WASF3: variants seen among roughly 807,000 people sequenced by gnomAD.
WASF3 encodes WASP family member 3.
Under a neutral mutation model 46.6 loss-of-function variants are expected in WASF3, and 11 were observed. The observed-to-expected ratio is 0.24, with a 90% CI of 0.15 to 0.39. The LOEUF (loss-of-function observed/expected upper bound fraction) is 0.39, where lower values mean the gene tolerates loss of function less well. Among genes scored for constraint, WASF3 ranks in the 10% least tolerant of loss-of-function variants. The probability of loss-of-function intolerance (pLI) is 1.00; values close to 1 mark genes in which losing one functional copy is unlikely to be tolerated. For missense variants in WASF3, 576 were observed against 669.8 expected (o/e 0.86, Z 1.55); for synonymous variants, 242 against 259.7 (o/e 0.93, Z 0.65).
rs1454119725 is a variant in WASF3, at chr13:26,686,466, A to T, written c.*621A>T. ...ACATGCCTGTCAAATATGAAATTGG[A>T]AGGGCCCTTTTCAGGCTGGGTTCCC... is the stretch of plus-strand genomic sequence containing the variant. On this transcript the variant is annotated 3_prime_UTR_variant, in exon 10 of 10. Coordinates refer to ENST00000335327, the MANE Select transcript of WASF3 (RefSeq NM_006646.6). The T allele has an allele frequency of 6.6e-6, 1 of 152,228 alleles. No homozygotes were observed. Among genetic ancestry groups the T allele is most frequent in the Admixed American group, 6.5e-5 (1 of 15,284 alleles). 9.4% of individuals were successfully genotyped at this position (152,228 alleles called of 1,614,324 possible).
intron 3 of WASF3, among the ~76,000 whole-genome samples, chr13:26,646,567 G>A (rs1315010375): frequency 6.6e-6 from 1 of 151,916 alleles, no homozygotes; most frequent in East Asian, 1.9e-4. Flanking sequence ...ACTCCCCACA[G>A]CAGAAAATCA....
chr13:26,627,414 T>G (rs908062769), intron 2 of WASF3, among the ~76,000 whole-genome samples: 3 of 152,156 alleles, frequency 2.0e-5, no homozygotes, highest in Admixed American at 6.6e-5. Flanking sequence ...TTTATTGCTG[T>G]GCATGCAACA....
At chr13:26,658,243 A>G (rs987222147) in intron 3 of WASF3, among the ~76,000 whole-genome samples, 3 of 152,130 alleles carry the variant, frequency 2.0e-5, no homozygotes, top group South Asian at 2.1e-4. Context: ...GTATGTGTGT[A>G]TATATAAATT....
At chr13:26,637,118 C>G (rs1318373548) in intron 2 of WASF3, among the ~76,000 whole-genome samples, 1 of 152,198 alleles carries the variant, frequency 6.6e-6, no homozygotes, top group African/African-American at 2.4e-5. Context: ...CCAGCACTTT[C>G]ACAGCTAGGT....
chr13:26,655,723 C>T (rs1203827333), intron 3 of WASF3, among the ~76,000 whole-genome samples: 1 of 152,084 alleles, frequency 6.6e-6, no homozygotes, highest in Non-Finnish European at 1.5e-5. Flanking sequence ...TATTTACTTG[C>T]TCATTTATAT....
intron 2 of WASF3, chr13:26,638,677 A>G (rs1364082002): frequency 3.3e-5 from 5 of 152,242 alleles, no homozygotes; most frequent in Non-Finnish European, 7.3e-5. Flanking sequence ...TCTTCAATTT[A>G]TTCAAAACTG....
rs767698868 is a variant in WASF3, at chr13:26,685,690, A to G, written c.1354A>G (p.Ile452Val). Reference sequence around the variant, plus strand: ...TGAACCACGTGTTGTGTCTGCAGGAATTCAACTGAAAAAGGTGCAGGAGCA... The same window carrying G: ...TGAACCACGTGTTGTGTCTGCAGGAGTTCAACTGAAAAAGGTGCAGGAGCA... ...SDLLAAIRMGIQLKKVQEQRE... is the reference protein window; with the variant it reads ...SDLLAAIRMGVQLKKVQEQRE... The change falls in exon 10 of 10, where the codon ATT becomes GTT. Residue 452 changes from isoleucine (I) to valine (V), a missense_variant and splice_region_variant. Physicochemically the swap from Ile to Val is conservative, Grantham distance 29 (BLOSUM62 3). This residue lies in a region of WASF3 where 68 missense variants were observed against 100.3 expected (regional missense o/e 0.68). Coordinates refer to ENST00000335327, the MANE Select transcript of WASF3 (RefSeq NM_006646.6). The G allele has an allele frequency of 6.2e-7, 1 of 1,614,102 alleles. No individual in the cohort carries two copies. Among genetic ancestry groups the G allele is most frequent in the Non-Finnish European group, 8.5e-7 (1 of 1,179,920 alleles).
At chr13:26,655,853 T>C (rs1206356140) in intron 3 of WASF3, among the ~76,000 whole-genome samples, 1 of 152,200 alleles carries the variant, frequency 6.6e-6, no homozygotes, top group Non-Finnish European at 1.5e-5. Flanking sequence ...TGTGTCCTTT[T>C]GACATCTCCC....
upstream of WASF3, among the ~76,000 whole-genome samples, chr13:26,554,100 T>TTCC (rs1879041171): frequency 2.0e-5 from 2 of 98,320 alleles, no homozygotes; most frequent in Non-Finnish European, 3.9e-5. Context: ...TCCTTCCTTC[T>TTCC]TTCTTTCTTT....
intron 1 of WASF3, among the ~76,000 whole-genome samples, chr13:26,572,702 A>T (rs1397769030): frequency 6.6e-6 from 1 of 152,032 alleles, no homozygotes; most frequent in Admixed American, 6.6e-5. Context: ...ATAGGCACGT[A>T]CCACCATGCT....
intron 1 of WASF3, among the ~76,000 whole-genome samples, chr13:26,590,874 C>CTA (rs1880270983): frequency 6.6e-6 from 1 of 152,134 alleles, no homozygotes; most frequent in Non-Finnish European, 1.5e-5. Context: ...ATAAATTATT[C>CTA]ACATGTAGCA....
At chr13:26,551,095 T>C in the WASF3 span, among the ~76,000 whole-genome samples, 2 of 152,194 alleles carry the variant, frequency 1.3e-5, no homozygotes, top group African/African-American at 4.8e-5. Flanking sequence ...GATCTGATGG[T>C]TTAAAAGTGT....
intron 6 of WASF3, among the ~76,000 whole-genome samples, chr13:26,673,904 G>A (rs1882989428): frequency 6.6e-6 from 1 of 152,182 alleles, no homozygotes; most frequent in Non-Finnish European, 1.5e-5. Context: ...GTGTCATGCA[G>A]GCTGGGTTCC....
chr13:26,557,982 G>A (rs1879151945), intron 1 of WASF3, among the ~76,000 whole-genome samples, 163 bp downstream of exon 1: 4 of 150,590 alleles, frequency 2.7e-5, no homozygotes, highest in African/African-American at 4.8e-5. Context: ...GCGGGCTGCG[G>A]CGCCGCCTCG....
intron 2 of WASF3, among the ~76,000 whole-genome samples, chr13:26,613,566 G>A (rs973412456): frequency 9.9e-5 from 15 of 152,110 alleles, no homozygotes; most frequent in South Asian, 2.1e-4. Context: ...TCAGGAGATC[G>A]CGACCATCCT....
At position 26,566,536 on chromosome 13, in the gene WASF3, T is replaced by C. The variant is rs144060522; in HGVS notation, c.-109+8717T>C. Among the ~76,000 whole-genome samples the C allele has an allele frequency of 3.5e-3, 539 of 152,388 alleles. 2 individuals are homozygous for C. Among genetic ancestry groups the C allele is most frequent in the Non-Finnish European group, 6.1e-3 (412 of 68,044 alleles). On this transcript the variant is annotated intron_variant, in intron 1 of 9. Coordinates refer to ENST00000335327, the MANE Select transcript of WASF3 (RefSeq NM_006646.6). ...TCAGTGACTCAGAGCAAGAAGCATCTGTTTCTCACCTATGTGGAAGCTTAT... is the reference window on the plus strand; with the variant it reads ...TCAGTGACTCAGAGCAAGAAGCATCCGTTTCTCACCTATGTGGAAGCTTAT...
At position 26,682,623 on chromosome 13, in the gene WASF3, A is replaced by G; in HGVS notation, c.1000A>G (p.Ile334Val). 1 of 1,614,186 alleles carries G rather than the reference A, an allele frequency of 6.2e-7. No individual in the cohort carries two copies. Among genetic ancestry groups the G allele is most frequent in the East Asian group, 2.2e-5 (1 of 44,874 alleles). Residue 334 changes from isoleucine to valine, a missense_variant, in exon 9 of 10, where the codon ATA becomes GTA. Physicochemically the swap from Ile to Val is conservative, Grantham distance 29. This residue lies in a region of WASF3 where 295 missense variants were observed against 291.5 expected (regional missense o/e 1.01). Coordinates refer to ENST00000335327, the MANE Select transcript of WASF3 (RefSeq NM_006646.6). This position sits in a 1 kb window ranked among gnomAD's most constrained non-coding sequence, Gnocchi z 4.4. Reference sequence around the variant, plus strand: ...CTCTCTCAGGATGCTCCCAGCGCAGATAATTGAGTATTACAACCCATCCGG... The same window carrying G: ...CTCTCTCAGGATGCTCCCAGCGCAGGTAATTGAGTATTACAACCCATCCGG... ...PADYGMLPAQ[I>V]IEYYNPSGPP...
chr13:26,551,345 T>C, the WASF3 span, among the ~76,000 whole-genome samples: 1 of 152,194 alleles, frequency 6.6e-6, no homozygotes, highest in Non-Finnish European at 1.5e-5. Flanking sequence ...TGGAAGCCTG[T>C]TCTCCGCATG....
At chr13:26,583,025 A>T (rs1880030226) in intron 1 of WASF3, among the ~76,000 whole-genome samples, 1 of 152,246 alleles carries the variant, frequency 6.6e-6, no homozygotes, top group African/African-American at 2.4e-5. Flanking sequence ...GGGGGCAGAA[A>T]GAAATTAATG....
Sources: allele counts gnomAD v4.1 joint callset (sites outside exome capture counted in the v4.1 genomes callset), GRCh38; gene constraint gnomAD v4.1.1; regional missense constraint gnomAD v4.1.1; non-coding constraint Gnocchi (gnomAD v3.1); transcripts MANE v1.5; gene names NCBI Gene and HGNC (gene_info 2026-07-23, HGNC 2026-07-21).